Variants in NKAIN2 observed in about 807,000 individuals in gnomAD.
NKAIN2 encodes the protein sodium/potassium transporting ATPase interacting 2, also known as sodium/potassium-transporting ATPase subunit beta-1-interacting protein 2.
Under a neutral mutation model 32.6 loss-of-function variants are expected in NKAIN2, and 14 were observed. The ratio of observed to expected loss-of-function variants is 0.43; its 90% confidence interval spans 0.28 to 0.67. NKAIN2 has a LOEUF of 0.67. NKAIN2 is among the 30% of genes least tolerant of loss of function. The probability of loss-of-function intolerance (pLI) is 0.17; values close to 1 mark genes in which losing one functional copy is unlikely to be tolerated. For missense variants in NKAIN2, 198 were observed against 258.3 expected (o/e 0.77, Z 1.60); for synonymous variants, 80 against 87.2 (o/e 0.92, Z 0.46).
intron 3 of NKAIN2, among the ~76,000 whole-genome samples, chr6:124,575,171 A>T (rs1179900162): frequency 6.6e-6 from 1 of 152,128 alleles, no homozygotes; most frequent in South Asian, 2.1e-4. Flanking sequence ...CCTTTAGGGG[A>T]GATGGTGGCC....
chr6:124,217,103 T>C (rs1791517720), intron 1 of NKAIN2, among the ~76,000 whole-genome samples: 1 of 152,070 alleles, frequency 6.6e-6, no homozygotes, highest in African/African-American at 2.4e-5. Context: ...AAATAGGAAA[T>C]AATAGGCAAA....
intron 3 of NKAIN2, among the ~76,000 whole-genome samples, chr6:124,451,677 A>G (rs780325258): frequency 2.6e-5 from 4 of 152,198 alleles, no homozygotes; most frequent in African/African-American, 4.8e-5. Context: ...ATTTCTTCAA[A>G]TATGTGAAAG....
At chr6:124,497,417 C>T (rs1015359302) in intron 3 of NKAIN2, among the ~76,000 whole-genome samples, 2 of 152,098 alleles carry the variant, frequency 1.3e-5, no homozygotes, top group African/African-American at 4.8e-5. Context: ...ATAGATAATA[C>T]ATCGCTAGGG....
At chr6:124,452,724 G>C (rs904868772) in intron 3 of NKAIN2, among the ~76,000 whole-genome samples, 1 of 152,088 alleles carries the variant, frequency 6.6e-6, no homozygotes, top group African/African-American at 2.4e-5. Flanking sequence ...TGCCAATAAA[G>C]CTATGCTAGG....
intron 1 of NKAIN2, among the ~76,000 whole-genome samples, chr6:123,822,196 G>C (rs114853792): frequency 2.6e-4 from 40 of 151,874 alleles, no homozygotes; most frequent in African/African-American, 9.4e-4. Flanking sequence ...CTTTGCACTC[G>C]GATGACTGTT....
intron 3 of NKAIN2, among the ~76,000 whole-genome samples, chr6:124,381,165 G>A (rs1772617243): frequency 1.3e-5 from 2 of 152,122 alleles, no homozygotes; most frequent in Non-Finnish European, 1.5e-5. Context: ...AGACATTATA[G>A]AGGTTTATAA....
chr6:124,640,625 C>G (rs929679761), intron 3 of NKAIN2, among the ~76,000 whole-genome samples: 9 of 152,112 alleles, frequency 5.9e-5, no homozygotes, highest in Non-Finnish European at 8.8e-5. Context: ...CTTTCATTAT[C>G]GTAACCAGCT....
intron 4 of NKAIN2, among the ~76,000 whole-genome samples, chr6:124,779,592 T>C (rs866542292): frequency 6.6e-6 from 1 of 152,136 alleles, no homozygotes; most frequent in East Asian, 1.9e-4. Flanking sequence ...ATTGAGATGA[T>C]AGCAAACATC....
At chr6:124,749,006 T>C (rs764082241) in intron 4 of NKAIN2, among the ~76,000 whole-genome samples, 1 of 151,932 alleles carries the variant, frequency 6.6e-6, no homozygotes, top group Non-Finnish European at 1.5e-5. Flanking sequence ...GAAATTACAG[T>C]GTTAGCAGGG....
At chr6:124,741,364 T>A (rs181044169) in intron 4 of NKAIN2, among the ~76,000 whole-genome samples, 2 of 151,934 alleles carry the variant, frequency 1.3e-5, no homozygotes, top group African/African-American at 4.8e-5. Flanking sequence ...ATTCTATGTT[T>A]TCAATGAATA....
chr6:124,388,220 G>A (rs1772995222), intron 3 of NKAIN2, among the ~76,000 whole-genome samples: 1 of 151,314 alleles, frequency 6.6e-6, no homozygotes, highest in African/African-American at 2.4e-5. Flanking sequence ...GTTACTATTG[G>A]ATAAAGATCA....
intron 2 of NKAIN2, among the ~76,000 whole-genome samples, chr6:124,315,414 A>G (rs1248255309): frequency 6.6e-6 from 1 of 151,710 alleles, no homozygotes; most frequent in Non-Finnish European, 1.5e-5. Flanking sequence ...TTAAAAAAAG[A>G]GCAATTTTTT....
At chr6:124,457,387 G>A (rs1776364205) in intron 3 of NKAIN2, among the ~76,000 whole-genome samples, 1 of 151,946 alleles carries the variant, frequency 6.6e-6, no homozygotes, top group African/African-American at 2.4e-5. Context: ...GTGTGAGAGA[G>A]TTTTGTTTTG....
chr6:124,744,887 C>G lies in NKAIN2; in HGVS notation c.475-46452C>G, dbSNP rs767003166. The stretch of plus-strand genomic sequence containing the variant: ...CTAAAATGTTTTCCAAGAAACATCT[C>G]CAAAATGGTAAAGTTCAAATAGGTG... On this transcript the variant is annotated intron_variant, in intron 4 of 6. Coordinates refer to ENST00000368417, the MANE Select transcript of NKAIN2 (RefSeq NM_001040214.3). Among the ~76,000 whole-genome samples, 38 of 151,798 alleles carry G rather than the reference C, an allele frequency of 2.5e-4. 1 individual carries two copies. The highest frequency in any genetic ancestry group is 3.2e-4 in the Non-Finnish European group (22 of 67,852).
intron 3 of NKAIN2, among the ~76,000 whole-genome samples, chr6:124,510,207 A>G (rs936241080): frequency 1.3e-5 from 2 of 152,084 alleles, no homozygotes; most frequent in Non-Finnish European, 2.9e-5. Context: ...ATAGAACCTT[A>G]GAGACCAAGT....
chr6:124,233,980 C>T (rs962563260), intron 1 of NKAIN2, among the ~76,000 whole-genome samples: 5 of 152,128 alleles, frequency 3.3e-5, no homozygotes, highest in African/African-American at 7.2e-5. Context: ...TCCACCTGCT[C>T]GTCTATGCTG....
chr6:124,459,180 C>A (rs1486054982), intron 3 of NKAIN2, among the ~76,000 whole-genome samples: 2 of 151,786 alleles, frequency 1.3e-5, no homozygotes, highest in Non-Finnish European at 2.9e-5. Context: ...TCCCCAAAGA[C>A]AAATAAAATA....
chr6:124,526,605 G>A (rs1468055706), intron 3 of NKAIN2, among the ~76,000 whole-genome samples: 1 of 152,074 alleles, frequency 6.6e-6, no homozygotes, highest in Non-Finnish European at 1.5e-5. Context: ...TCAGAGAAAA[G>A]AGAACTGTAA....
At chr6:124,105,427 G>T (rs1785074640) in intron 1 of NKAIN2, among the ~76,000 whole-genome samples, 1 of 152,116 alleles carries the variant, frequency 6.6e-6, no homozygotes, top group Non-Finnish European at 1.5e-5. Flanking sequence ...TGGCAGCCCT[G>T]CAGGAACAAG....
Sources: gnomAD v4.1 joint callset for allele counts (sites outside exome capture counted in the v4.1 genomes callset) on GRCh38, gnomAD v4.1.1 for gene constraint, MANE v1.5 for transcripts, NCBI Gene and HGNC (gene_info 2026-07-23, HGNC 2026-07-21) for gene names.